WDR7: variants seen among roughly 807,000 people sequenced by gnomAD.
WDR7 encodes the protein WD repeat-containing protein 7.
Under a neutral mutation model 169.4 loss-of-function variants are expected in WDR7, and 46 were observed. The observed-to-expected ratio is 0.27, with a 90% CI of 0.21 to 0.35. The LOEUF (loss-of-function observed/expected upper bound fraction) is 0.35, where lower values mean the gene tolerates loss of function less well. WDR7 is among the 10% of genes least tolerant of loss of function. WDR7 has a pLI of 1.00. For missense variants in WDR7, 1,534 were observed against 1,859.3 expected, an observed-to-expected ratio of 0.83 and a Z score of 3.22; for synonymous variants, 612 against 666.8, an observed-to-expected ratio of 0.92 and a Z score of 1.27.
rs1476843124 is a variant in WDR7 at position 56,879,939 on chromosome 18, T to C, written c.3305-5T>C. The C allele has an allele frequency of 6.2e-7, 1 of 1,609,802 alleles. No individual in the cohort carries two copies. The highest frequency in any genetic ancestry group is 1.7e-5 in the Admixed American group (1 of 59,816). ...TAAGTTGAGATTCTATGTTTTGGTC[T>C]TCAGGTTGCTTATCAAGTGTCCCAC... On this transcript the variant is annotated splice_region_variant and splice_polypyrimidine_tract_variant and intron_variant, in intron 20 of 27. Coordinates refer to ENST00000254442, the MANE Select transcript of WDR7 (RefSeq NM_015285.3).
intron 19 of WDR7, among the ~76,000 whole-genome samples, chr18:56,794,327 T>TTTTTTTTTTTTTTA (rs1491121428): frequency 8.5e-6 from 1 of 118,020 alleles, no homozygotes. Context: ...TTTTTTTTTT[T>TTTTTTTTTTTTTTA]GAGACAGAGT....
At chr18:56,898,821 G>A (rs1009547188) in intron 21 of WDR7, among the ~76,000 whole-genome samples, 1 of 151,952 alleles carries the variant, frequency 6.6e-6, no homozygotes, top group African/African-American at 2.4e-5. Context: ...GCTTAAACCA[G>A]GTCTGTAGGC....
chr18:57,010,878 G>T (rs1175620566), intron 26 of WDR7, among the ~76,000 whole-genome samples: 1 of 152,082 alleles, frequency 6.6e-6, no homozygotes, highest in Non-Finnish European at 1.5e-5. Context: ...CAGTTAAATC[G>T]AAGGGAAAAT....
At chr18:56,749,016 TA>T (rs750050223) in intron 14 of WDR7, among the ~76,000 whole-genome samples, 13 of 152,040 alleles carry the variant, frequency 8.6e-5, no homozygotes, top group Non-Finnish European at 1.8e-4. Context: ...ATATTGTGCA[TA>T]TTTTTTAGTA....
In WDR7 at chr18:56,776,805, C is replaced by G. The variant is rs777120067; in HGVS notation, c.2872C>G (p.Arg958Gly). 1 of 1,613,768 alleles carries G rather than the reference C, an allele frequency of 6.2e-7. No homozygotes were observed. The highest frequency in any genetic ancestry group is 8.5e-7 in the Non-Finnish European group (1 of 1,179,868). ...AGTTGCTGCACCTGTCGTTTCCGCTCGGTCTGATGCTGATCACTCTGGCTC... is the reference window on the plus strand; with the variant it reads ...AGTTGCTGCACCTGTCGTTTCCGCTGGGTCTGATGCTGATCACTCTGGCTC... The part of the protein sequence containing the change: ...KQVAAPVVSA[R>G]SDADHSGSDP... The change falls in exon 17 of 28, where the codon CGG becomes GGG. Residue 958 changes from arginine (R) to glycine (G), a missense_variant. By Grantham distance (125) the Arg-to-Gly change is moderately radical. Coordinates refer to ENST00000254442, the MANE Select transcript of WDR7 (RefSeq NM_015285.3).
chr18:56,742,666 G>A (rs2043638293), intron 14 of WDR7, among the ~76,000 whole-genome samples: 1 of 152,208 alleles, frequency 6.6e-6, no homozygotes. Flanking sequence ...GGGGTTGGCT[G>A]AGACATGCAG....
intron 26 of WDR7, among the ~76,000 whole-genome samples, chr18:57,008,891 CA>C (rs1249316506): frequency 6.6e-6 from 1 of 152,188 alleles, no homozygotes; most frequent in East Asian, 1.9e-4. Context: ...TTTTTAACTA[CA>C]TTTTCCTAAA....
intron 26 of WDR7, chr18:57,009,845 A>T (rs2048113680): frequency 2.0e-6 from 2 of 985,440 alleles, no homozygotes; most frequent in Non-Finnish European, 2.4e-6. Context: ...CAGGCACTAT[A>T]CCAGGCAAAG....
At chr18:56,699,823 G>A (rs1568144996) in intron 12 of WDR7, 1 of 985,276 alleles carries the variant, frequency 1.0e-6, no homozygotes, top group Admixed American at 6.2e-5. Context: ...AAAACTGTCT[G>A]CTAGGTAGAA....
At chr18:57,000,252 GT>G (rs1206025773) in intron 26 of WDR7, among the ~76,000 whole-genome samples, 3 of 152,100 alleles carry the variant, frequency 2.0e-5, no homozygotes, top group Admixed American at 6.5e-5. Flanking sequence ...TTAAAAGCCT[GT>G]TATAAACCAG....
At chr18:56,918,332 A>T (rs747323729) in intron 21 of WDR7, among the ~76,000 whole-genome samples, 2 of 152,200 alleles carry the variant, frequency 1.3e-5, no homozygotes, top group Non-Finnish European at 2.9e-5. Flanking sequence ...ATAAAGAGTC[A>T]GTGACTAGTA....
chr18:56,848,650 T>G (rs762016831), intron 20 of WDR7, among the ~76,000 whole-genome samples: 13 of 152,128 alleles, frequency 8.5e-5, no homozygotes, highest in Non-Finnish European at 1.3e-4. Context: ...ATGAATGGCT[T>G]GGTACCCTCC....
intron 14 of WDR7, among the ~76,000 whole-genome samples, chr18:56,742,824 T>C (rs2043640875): frequency 6.6e-6 from 1 of 151,754 alleles, no homozygotes; most frequent in Admixed American, 6.6e-5. Flanking sequence ...CCAAGCAAAG[T>C]GGGAAGCAGG....
At chr18:57,001,502 T>C (rs930088300) in intron 26 of WDR7, among the ~76,000 whole-genome samples, 1 of 152,192 alleles carries the variant, frequency 6.6e-6, no homozygotes, top group Non-Finnish European at 1.5e-5. Flanking sequence ...ACTCACTCTT[T>C]CCTGATGTAT....
At chr18:56,688,807 A>G (rs1048297453) in intron 7 of WDR7, among the ~76,000 whole-genome samples, 1 of 152,022 alleles carries the variant, frequency 6.6e-6, no homozygotes. Context: ...TCCCTTCCAG[A>G]TAAGAGTATC....
At chr18:56,950,029 T>C (rs1283476023) in intron 25 of WDR7, among the ~76,000 whole-genome samples, 3 of 152,218 alleles carry the variant, frequency 2.0e-5, no homozygotes, top group Non-Finnish European at 1.5e-5. Flanking sequence ...TTCAAGAAAG[T>C]ATCTCCCAAA....
chr18:56,662,090 C>G (rs982150342), intron 1 of WDR7, among the ~76,000 whole-genome samples: 2 of 152,142 alleles, frequency 1.3e-5, no homozygotes, highest in Non-Finnish European at 2.9e-5. Context: ...TCTCATATTC[C>G]CCATCGGTAG....
chr18:56,781,611 G>A lies in WDR7; in HGVS notation c.3145G>A (p.Ala1049Thr), dbSNP rs1180932649. Reference protein sequence around the residue: ...EQAGRKEAIDAWAPYLPQYID... With the variant: ...EQAGRKEAIDTWAPYLPQYID... Reference sequence around the variant, plus strand: ...GGCAGGCAGGAAGGAAGCCATTGATGCCTGGGCTCCTTACTTACCTCAGTA... The same window carrying A: ...GGCAGGCAGGAAGGAAGCCATTGATACCTGGGCTCCTTACTTACCTCAGTA... The change falls in exon 19 of 28, where the codon GCC becomes ACC. Residue 1049 changes from alanine to threonine, a missense_variant. Transcript: ENST00000254442. The A allele has an allele frequency of 1.2e-6, 2 of 1,612,710 alleles. No homozygotes were observed. The highest frequency in any genetic ancestry group is 2.2e-5 in the South Asian group (2 of 90,842).
chr18:56,863,847 A>G (rs146248287), intron 20 of WDR7, among the ~76,000 whole-genome samples: 1 of 151,892 alleles, frequency 6.6e-6, no homozygotes, highest in East Asian at 1.9e-4. Flanking sequence ...CTGTGTACCT[A>G]TTGATGTACC....
Sources: allele counts gnomAD v4.1 joint callset (sites outside exome capture counted in the v4.1 genomes callset), GRCh38; gene constraint gnomAD v4.1.1; transcripts MANE v1.5; gene names NCBI Gene and HGNC (gene_info 2026-07-23, HGNC 2026-07-21).